CDYL2: variants seen among roughly 807,000 people sequenced by gnomAD.
CDYL2 encodes the protein chromodomain Y like 2.
Under a neutral mutation model 49.4 loss-of-function variants are expected in CDYL2, and 23 were observed. The ratio of observed to expected loss-of-function variants is 0.47; its 90% CI spans 0.34 to 0.66. The LOEUF is 0.66. Ranked by LOEUF, CDYL2 falls within the 30% of genes least tolerant of loss-of-function variation. The pLI is 0.01. For synonymous variants in CDYL2, 360 were observed against 268.8 expected (o/e 1.34, Z -3.32); for missense variants, 678 against 656.4 (o/e 1.03, Z -0.36).
chr16:80,681,178 C>G (rs185240565), intron 2 of CDYL2, among the ~76,000 whole-genome samples: 1 of 152,222 alleles, frequency 6.6e-6, no homozygotes, highest in African/African-American at 2.4e-5. Context: ...GAAGCTAAAA[C>G]CATATAAAAA....
intron 1 of CDYL2, among the ~76,000 whole-genome samples, chr16:80,800,267 C>T (rs1597139489): frequency 1.3e-5 from 2 of 152,140 alleles, no homozygotes; most frequent in Non-Finnish European, 2.9e-5. Context: ...TACAGATAAA[C>T]GAAGAAGGCT....
At chr16:80,656,431 G>A (rs542897487) in intron 2 of CDYL2, among the ~76,000 whole-genome samples, 27 of 152,338 alleles carry the variant, frequency 1.8e-4, no homozygotes, top group South Asian at 1.2e-3. Context: ...TCCCCCTCAT[G>A]GGCTGCAGGG....
chr16:80,700,596 A>G (rs2142499561), intron 1 of CDYL2, among the ~76,000 whole-genome samples: 1 of 152,366 alleles, frequency 6.6e-6, no homozygotes, highest in African/African-American at 2.4e-5. Context: ...GGAAATGAAA[A>G]TTAAAACAGT....
chr16:80,725,450 A>G (rs756021337), intron 1 of CDYL2, among the ~76,000 whole-genome samples: 8 of 152,214 alleles, frequency 5.3e-5, no homozygotes, highest in Non-Finnish European at 1.2e-4. Context: ...AGCTGGCTCT[A>G]TATCTGTCCT....
intron 1 of CDYL2, among the ~76,000 whole-genome samples, chr16:80,800,925 C>G (rs147330956): frequency 9.3e-4 from 141 of 152,262 alleles, no homozygotes; most frequent in African/African-American, 3.3e-3. Context: ...TACTGGAGCC[C>G]AGTGAATGAT....
rs185368273 is a variant in CDYL2 at position 80,718,620 on chromosome 16, T to C, written c.25-33491A>G. 1.1e-4 allele frequency among the ~76,000 whole-genome samples: 17 copies of C among 152,240 alleles called. No individual in the cohort carries two copies. The East Asian group carries it at 3.3e-3, about 29-fold the overall frequency. On this transcript the variant is annotated intron_variant, in intron 1 of 6. Transcript: ENST00000570137. ...GCTCAGGAGCTAGAATTGGCCACTATGGAAAAAGAATGCAGCTGAAGGAGC... is the reference window on the plus strand; with the variant it reads ...GCTCAGGAGCTAGAATTGGCCACTACGGAAAAAGAATGCAGCTGAAGGAGC...
chr16:80,612,583 G>A lies in CDYL2; in HGVS notation c.1218+43C>T, dbSNP rs745332978. On this transcript the variant is annotated intron_variant, in intron 5 of 6. Transcript: ENST00000570137. The surrounding 1 kb of genome is among the most constrained non-coding windows in gnomAD (Gnocchi z 5.0). Reference sequence around the variant, plus strand: ...AGCCCCTAAACCCAAGGCAGAGGAAGGATCCTGCTGGGACCCGAATCCAGG... The same window carrying A: ...AGCCCCTAAACCCAAGGCAGAGGAAAGATCCTGCTGGGACCCGAATCCAGG... 1 of 1,541,360 alleles carries A rather than the reference G, an allele frequency of 6.5e-7. No homozygotes were observed.
intron 1 of CDYL2, among the ~76,000 whole-genome samples, chr16:80,787,883 T>C (rs1597134010): frequency 6.6e-6 from 1 of 152,196 alleles, no homozygotes; most frequent in East Asian, 1.9e-4. Flanking sequence ...ATGCCAAGCA[T>C]GCAGACATAT....
Position 80,704,215 on chromosome 16 carries a change from A to G in CDYL2, c.25-19086T>C, listed in dbSNP as rs1478674348. Among the ~76,000 whole-genome samples the G allele has an allele frequency of 3.3e-5, 5 of 152,230 alleles. No homozygotes were observed. The East Asian group carries it at 9.6e-4, about 29-fold the overall frequency. ...TCAACCACAGCACCCACTCCTAATC[A>G]GCCCAGATCAACTCAAAATGCATAG... is the stretch of plus-strand genomic sequence containing the variant. On this transcript the variant is annotated intron_variant, in intron 1 of 6. Coordinates refer to ENST00000570137, the MANE Select transcript of CDYL2 (RefSeq NM_152342.4).
At chr16:80,652,044 T>C (rs1466868659) in intron 2 of CDYL2, among the ~76,000 whole-genome samples, 3 of 152,138 alleles carry the variant, frequency 2.0e-5, no homozygotes, top group East Asian at 3.8e-4. Context: ...GAAATATCTA[T>C]AGATAAGGGT....
intron 2 of CDYL2, among the ~76,000 whole-genome samples, chr16:80,660,311 T>A (rs1908989900): frequency 6.6e-6 from 1 of 152,050 alleles, no homozygotes; most frequent in South Asian, 2.1e-4. Context: ...ATGTTGGGTG[T>A]ATAAAATAAT....
At chr16:80,634,376 C>G (rs1176286049) in intron 2 of CDYL2, among the ~76,000 whole-genome samples, 1 of 152,160 alleles carries the variant, frequency 6.6e-6, no homozygotes, top group Non-Finnish European at 1.5e-5. Flanking sequence ...AACTATCATT[C>G]TGAGCAAACT....
At chr16:80,655,325 C>T (rs1188491442) in intron 2 of CDYL2, among the ~76,000 whole-genome samples, 3 of 152,140 alleles carry the variant, frequency 2.0e-5, no homozygotes, top group Non-Finnish European at 4.4e-5. Context: ...AGTTACTTGC[C>T]ACCTCCTATG....
chr16:80,686,226 C>T (rs1166955558), intron 1 of CDYL2, among the ~76,000 whole-genome samples: 2 of 152,188 alleles, frequency 1.3e-5, no homozygotes, highest in African/African-American at 2.4e-5. Context: ...GAAAAATACA[C>T]TCGGAAAATG....
At chr16:80,677,307 C>T (rs1282570059) in intron 2 of CDYL2, among the ~76,000 whole-genome samples, 3 of 152,140 alleles carry the variant, frequency 2.0e-5, no homozygotes, top group African/African-American at 7.2e-5. Context: ...TTCAGGCTTT[C>T]TAGCCCTCCT....
At chr16:80,717,503 C>T (rs1904850989) in intron 1 of CDYL2, among the ~76,000 whole-genome samples, 1 of 152,222 alleles carries the variant, frequency 6.6e-6, no homozygotes, top group Non-Finnish European at 1.5e-5. Flanking sequence ...GGGCAAATGA[C>T]AGCCCCCAGT....
At chr16:80,782,593 C>A (rs116056129) in intron 1 of CDYL2, among the ~76,000 whole-genome samples, 18 of 143,868 alleles carry the variant, frequency 1.3e-4, no homozygotes, top group Non-Finnish European at 2.0e-4. Flanking sequence ...GCAAAAAATT[C>A]TCAACAAAAT....
At chr16:80,714,783 CAGGATAAATTACCCAA>C (rs1482105834) in intron 1 of CDYL2, among the ~76,000 whole-genome samples, 1 of 152,156 alleles carries the variant, frequency 6.6e-6, no homozygotes, top group African/African-American at 2.4e-5. Context: ...TGCTCAGTGA[CAGGATAAATTACCCAA>C]AAATAAACTA....
intron 1 of CDYL2, among the ~76,000 whole-genome samples, chr16:80,772,169 T>C (rs1366914984): frequency 6.6e-6 from 1 of 152,034 alleles, no homozygotes; most frequent in Non-Finnish European, 1.5e-5. Context: ...AAATGTGAAA[T>C]AAAGCTTTTT....
Sources: allele counts gnomAD v4.1 joint callset (sites outside exome capture counted in the v4.1 genomes callset), GRCh38; gene constraint gnomAD v4.1.1; non-coding constraint Gnocchi (gnomAD v3.1); transcripts MANE v1.5; gene names NCBI Gene and HGNC (gene_info 2026-07-23, HGNC 2026-07-21).